The following METTL25 variants were observed in gnomAD, a reference collection of about 807,000 sequenced individuals.
METTL25 encodes probable methyltransferase-like protein 25.
METTL25 carries 64 observed loss-of-function variants against 71.6 expected under a neutral mutation model. The ratio of observed to expected loss-of-function variants is 0.89; its 90% CI spans 0.73 to 1.10. The LOEUF is 1.10. Among genes scored for constraint, METTL25 ranks in the 50% least tolerant of loss-of-function variants. The pLI is 0.00. For synonymous variants in METTL25, 287 were observed against 250.3 expected (o/e 1.15, Z -1.38); for missense variants, 807 against 707.0 (o/e 1.14, Z -1.60).
chr12:82,398,644 A>T (rs756338997), intron 3 of METTL25, 151 bp from the exon 4 acceptor site: 3 of 404,272 alleles, frequency 7.4e-6, no homozygotes, highest in Non-Finnish European at 1.2e-5. Context: ...GTTGAATAAA[A>T]ATGATGAGTG....
intron 1 of METTL25, among the ~76,000 whole-genome samples, chr12:82,377,775 C>A (rs931738915): frequency 6.6e-6 from 1 of 152,088 alleles, no homozygotes; most frequent in Non-Finnish European, 1.5e-5. Flanking sequence ...ATGTTAATAT[C>A]TTAGGTCACA....
chr12:82,478,864 A>T, intron 11 of METTL25, 68 bp from the exon 12 acceptor site: 1 of 1,214,690 alleles, frequency 8.2e-7, no homozygotes, highest in Non-Finnish European at 1.2e-6. Flanking sequence ...ACAATATATA[A>T]TCCAACTCGC....
intron 5 of METTL25, among the ~76,000 whole-genome samples, chr12:82,416,554 C>T (rs910006646): frequency 6.6e-6 from 1 of 150,988 alleles, no homozygotes; most frequent in African/African-American, 2.4e-5. Context: ...AGTCCTCCCT[C>T]CCAAGCTTCC....
At chr12:82,434,788 C>A in intron 7 of METTL25, 64 bp downstream of exon 7, 1 of 1,289,626 alleles carries the variant, frequency 7.8e-7, no homozygotes, top group Non-Finnish European at 1.1e-6. Flanking sequence ...CATACTTGAC[C>A]TGCTGATGAA....
At chr12:82,365,488 G>A (rs971250319) in intron 1 of METTL25, among the ~76,000 whole-genome samples, 1 of 152,150 alleles carries the variant, frequency 6.6e-6, no homozygotes, top group African/African-American at 2.4e-5. Flanking sequence ...TTTGCTGATA[G>A]GATAAATATG....
intron 1 of METTL25, among the ~76,000 whole-genome samples, chr12:82,378,794 G>A (rs1053206382): frequency 6.6e-6 from 1 of 152,156 alleles, no homozygotes; most frequent in African/African-American, 2.4e-5. Flanking sequence ...GGGAAGGGCT[G>A]AGGTGGGGGG....
intron 9 of METTL25, among the ~76,000 whole-genome samples, chr12:82,470,796 G>T (rs1018471306): frequency 2.6e-5 from 4 of 152,154 alleles, no homozygotes; most frequent in Non-Finnish European, 5.9e-5. Context: ...CAATTCAATT[G>T]TGAGGCTTAT....
At chr12:82,400,876 A>G (rs1487646178) in intron 4 of METTL25, among the ~76,000 whole-genome samples, 2 of 152,122 alleles carry the variant, frequency 1.3e-5, no homozygotes, top group Non-Finnish European at 2.9e-5. Context: ...AACTAATCTT[A>G]TATGATAAAT....
chr12:82,373,165 G>A (rs549733507), intron 1 of METTL25, among the ~76,000 whole-genome samples: 10 of 152,218 alleles, frequency 6.6e-5, no homozygotes, highest in African/African-American at 2.4e-4. Context: ...CCTTACCACT[G>A]TCCTATAAAT....
At chr12:82,374,890 C>G (rs1883665644) in intron 1 of METTL25, among the ~76,000 whole-genome samples, 1 of 152,002 alleles carries the variant, frequency 6.6e-6, no homozygotes, top group Non-Finnish European at 1.5e-5. Context: ...CAATAGTGGT[C>G]TAGAGATGAA....
intron 1 of METTL25, among the ~76,000 whole-genome samples, chr12:82,360,020 CAG>C (rs1881617101): frequency 1.3e-5 from 2 of 152,246 alleles, no homozygotes; most frequent in East Asian, 1.9e-4. Context: ...TCCAAAAGAG[CAG>C]AGTCTTTGTC....
chr12:82,472,674 T>C (rs1041504383), intron 9 of METTL25, among the ~76,000 whole-genome samples: 1 of 152,240 alleles, frequency 6.6e-6, no homozygotes, highest in Non-Finnish European at 1.5e-5. Context: ...CCTTGAATTC[T>C]TCAGCTGTAG....
chr12:82,473,303 T>C (rs1892673728), intron 9 of METTL25, among the ~76,000 whole-genome samples: 1 of 151,914 alleles, frequency 6.6e-6, no homozygotes. Context: ...CAGCCTGGGG[T>C]GTGGCTGCCA....
intron 5 of METTL25, among the ~76,000 whole-genome samples, chr12:82,406,478 T>G (rs1887103026): frequency 6.6e-6 from 1 of 152,154 alleles, no homozygotes; most frequent in Admixed American, 6.5e-5. Flanking sequence ...TTTATAGTCT[T>G]TCTGTATCAG....
At chr12:82,386,270 T>A (rs937143295) in intron 1 of METTL25, among the ~76,000 whole-genome samples, 3 of 152,156 alleles carry the variant, frequency 2.0e-5, no homozygotes, top group Non-Finnish European at 4.4e-5. Flanking sequence ...TATATACCAC[T>A]GGGGATATTA....
At chr12:82,433,466 C>A (rs1889677495) in intron 6 of METTL25, among the ~76,000 whole-genome samples, 1 of 151,594 alleles carries the variant, frequency 6.6e-6, no homozygotes, top group Admixed American at 6.6e-5. Flanking sequence ...GTGAAAGTAT[C>A]CTTCAAGTAA....
At chr12:82,478,040 G>C (rs940079874) in intron 11 of METTL25, among the ~76,000 whole-genome samples, 2 of 151,652 alleles carry the variant, frequency 1.3e-5, no homozygotes, top group Admixed American at 6.6e-5. Flanking sequence ...TGAAACAAAT[G>C]GATATTTAAA....
intron 4 of METTL25, 129 bp from the exon 5 acceptor site, chr12:82,402,854 G>A (rs1411019623): frequency 4.0e-5 from 24 of 600,816 alleles, no homozygotes; most frequent in South Asian, 1.0e-4. Flanking sequence ...CGTGATATTC[G>A]TGCCTGTGAA....
At chr12:82,416,082 A>C (rs1320292666) in intron 5 of METTL25, among the ~76,000 whole-genome samples, 1 of 152,138 alleles carries the variant, frequency 6.6e-6, no homozygotes, top group Non-Finnish European at 1.5e-5. Context: ...AGGCAGAAAG[A>C]AAGTAGCAGT....
Sources: gnomAD v4.1 joint callset for allele counts (sites outside exome capture counted in the v4.1 genomes callset) on GRCh38, gnomAD v4.1.1 for gene constraint, MANE v1.5 for transcripts, NCBI Gene and HGNC (gene_info 2026-07-23, HGNC 2026-07-21) for gene names.